Variants in SLC24A3 observed in about 807,000 individuals in gnomAD.
SLC24A3 encodes the protein solute carrier family 24 member 3.
A neutral mutation model predicts 75.8 loss-of-function variants in SLC24A3; 28 were observed. The ratio of observed to expected loss-of-function variants is 0.37; its 90% CI spans 0.27 to 0.51. The LOEUF (loss-of-function observed/expected upper bound fraction) is 0.51. Ranked by LOEUF, SLC24A3 falls within the 20% of genes least tolerant of loss-of-function variation. The pLI is 0.94. For synonymous variants in SLC24A3, 372 were observed against 334.1 expected (o/e 1.11, Z -1.24); for missense variants, 663 against 847.8 (o/e 0.78, Z 2.71).
At chr20:19,609,311 T>A (rs982646284) in intron 6 of SLC24A3, among the ~76,000 whole-genome samples, 4 of 147,572 alleles carry the variant, frequency 2.7e-5, no homozygotes, top group African/African-American at 7.5e-5. Flanking sequence ...TATAACCTGA[T>A]TTTTTTTTTT....
intron 2 of SLC24A3, among the ~76,000 whole-genome samples, chr20:19,511,606 C>T (rs1274061369): frequency 2.0e-5 from 3 of 152,190 alleles, no homozygotes; most frequent in African/African-American, 7.2e-5. Flanking sequence ...GGATTACAGG[C>T]GTGAGCCACC....
chr20:19,473,186 T>C (rs1987903389), intron 2 of SLC24A3, among the ~76,000 whole-genome samples: 1 of 152,268 alleles, frequency 6.6e-6, no homozygotes, highest in Non-Finnish European at 1.5e-5. Flanking sequence ...GGTTCTTTTA[T>C]GTTTGCTATT....
intron 2 of SLC24A3, among the ~76,000 whole-genome samples, chr20:19,287,775 T>C (rs572957456): frequency 3.3e-5 from 5 of 152,384 alleles, no homozygotes; most frequent in African/African-American, 9.6e-5. Context: ...TGCTTTTGTA[T>C]AGATGAAGTC....
chr20:19,241,714 G>A (rs1225737033), intron 1 of SLC24A3, among the ~76,000 whole-genome samples: 1 of 152,178 alleles, frequency 6.6e-6, no homozygotes, highest in Non-Finnish European at 1.5e-5. Flanking sequence ...TCTTCGGCTC[G>A]ATTTCTTCTT....
At chr20:19,491,902 A>G (rs1185215677) in intron 2 of SLC24A3, among the ~76,000 whole-genome samples, 1 of 152,102 alleles carries the variant, frequency 6.6e-6, no homozygotes, top group East Asian at 1.9e-4. Flanking sequence ...ACCTTCCTCC[A>G]TCAGTGATTA....
At chr20:19,504,023 T>A (rs1988426837) in intron 2 of SLC24A3, among the ~76,000 whole-genome samples, 1 of 152,200 alleles carries the variant, frequency 6.6e-6, no homozygotes, top group African/African-American at 2.4e-5. Flanking sequence ...AGCGCACATG[T>A]CCCTGTTCCT....
At position 19,721,101 on chromosome 20, in the gene SLC24A3, G is replaced by A. The variant is rs751667802; in HGVS notation, c.1896G>A (p.Val632=). Residue 632 remains valine, a synonymous_variant, in exon 17 of 17, where the codon GTG becomes GTA. Transcript: ENST00000328041. ...LCFSIMTEFN[V]FTFVNLPMCG... ...TCTCCATCATGACTGAGTTCAACGT[G>A]TTCACCTTTGTGAACCTGCCCATGT... 9.9e-6 allele frequency: 16 copies of A among 1,614,142 alleles called. No individual in the cohort carries two copies. The highest frequency in any genetic ancestry group is 1.4e-5 in the Non-Finnish European group (16 of 1,180,014).
chr20:19,475,857 T>G (rs1037326099), intron 2 of SLC24A3, among the ~76,000 whole-genome samples: 2 of 152,238 alleles, frequency 1.3e-5, no homozygotes, highest in Admixed American at 1.3e-4. Context: ...CTTCCTACTC[T>G]ATACTTGGAA....
intron 2 of SLC24A3, among the ~76,000 whole-genome samples, chr20:19,417,761 C>T (rs1986852032): frequency 6.6e-6 from 1 of 152,226 alleles, no homozygotes; most frequent in African/African-American, 2.4e-5. Flanking sequence ...CTGAGTTGAA[C>T]TAGAAACATT....
intron 4 of SLC24A3, among the ~76,000 whole-genome samples, chr20:19,580,695 C>G (rs2122632478): frequency 6.6e-6 from 1 of 152,324 alleles, no homozygotes; most frequent in South Asian, 2.1e-4. Flanking sequence ...ATTCTCTTGC[C>G]TCTTTCATCT....
chr20:19,448,691 G>T (rs958958134), intron 2 of SLC24A3, among the ~76,000 whole-genome samples: 2 of 152,128 alleles, frequency 1.3e-5, no homozygotes, highest in African/African-American at 2.4e-5. Flanking sequence ...AACCTGGGCC[G>T]CACCATTCAG....
chr20:19,599,000 C>G (rs774053793), intron 6 of SLC24A3, among the ~76,000 whole-genome samples: 1 of 152,034 alleles, frequency 6.6e-6, no homozygotes, highest in Non-Finnish European at 1.5e-5. Context: ...AATAGCTAAT[C>G]TTTACTGGGA....
chr20:19,652,234 T>C (rs6112501), intron 6 of SLC24A3, among the ~76,000 whole-genome samples: 1,878 of 152,332 alleles, frequency 0.012, 36 homozygotes, highest in African/African-American at 0.043. Context: ...AGTATTATCT[T>C]GTTACGGTAT....
chr20:19,326,328 C>T (rs915231816), intron 2 of SLC24A3, among the ~76,000 whole-genome samples: 6 of 152,008 alleles, frequency 3.9e-5, no homozygotes, highest in Non-Finnish European at 7.4e-5. Flanking sequence ...AGGACAGGGA[C>T]GAGCTGTGGA....
At chr20:19,567,993 CA>C (rs112172442) in intron 3 of SLC24A3, among the ~76,000 whole-genome samples, 11,386 of 151,878 alleles carry the variant, frequency 0.075, 555 homozygotes, top group African/African-American at 0.14. Flanking sequence ...GACTTTTCTG[CA>C]AAAAAATGAT....
chr20:19,295,013 T>C (rs1984027972), intron 2 of SLC24A3, among the ~76,000 whole-genome samples: 1 of 152,220 alleles, frequency 6.6e-6, no homozygotes, highest in Non-Finnish European at 1.5e-5. Context: ...GGCTCGAGAT[T>C]GTATCTCACT....
At chr20:19,281,800 G>T (rs1278573333) in intron 2 of SLC24A3, among the ~76,000 whole-genome samples, 1 of 152,164 alleles carries the variant, frequency 6.6e-6, no homozygotes, top group Admixed American at 6.5e-5. Flanking sequence ...TGTAGGCTTT[G>T]CAGGCCACAT....
intron 2 of SLC24A3, among the ~76,000 whole-genome samples, chr20:19,388,055 G>A (rs1986301493): frequency 6.6e-6 from 1 of 152,098 alleles, no homozygotes; most frequent in African/African-American, 2.4e-5. Context: ...CATGGAGAAT[G>A]GGGTATCCAT....
In SLC24A3 at chr20:19,321,768, T is replaced by A. The variant is rs75926247; in HGVS notation, c.271+40681T>A. The stretch of plus-strand genomic sequence containing the variant: ...CATTTTCTGGTCAAATTAATGTCAA[T>A]AATGTCTAATATATTCCTATATTCT... On this transcript the variant is annotated intron_variant, in intron 2 of 16. Coordinates refer to ENST00000328041, the MANE Select transcript of SLC24A3 (RefSeq NM_020689.4). 8.0e-3 allele frequency among the ~76,000 whole-genome samples: 1,212 copies of A among 152,350 alleles called. 11 individuals carry two copies. Among genetic ancestry groups the A allele is most frequent in the African/African-American group, 0.028 (1,148 of 41,570 alleles).
Sources: allele counts gnomAD v4.1 joint callset (sites outside exome capture counted in the v4.1 genomes callset), GRCh38; gene constraint gnomAD v4.1.1; transcripts MANE v1.5; gene names NCBI Gene and HGNC (gene_info 2026-07-23, HGNC 2026-07-21).